The following APP variants were observed in gnomAD, a reference collection of about 807,000 sequenced individuals.
APP encodes the protein amyloid-beta precursor protein.
APP carries 31 observed loss-of-function variants against 101.4 expected under a neutral mutation model. The ratio of observed to expected loss-of-function variants is 0.31; its 90% CI spans 0.23 to 0.41. The LOEUF is 0.41. APP is among the 10% of genes least tolerant of loss of function. APP has a pLI of 1.00. For missense variants in APP, 839 were observed against 1,003.7 expected (o/e 0.84, Z 2.22); for synonymous variants, 366 against 364.4 (o/e 1.00, Z -0.05).
intron 6 of APP, chr21:26,009,555 A>G (rs2043688514): frequency 6.6e-6 from 1 of 151,802 alleles, no homozygotes; most frequent in Non-Finnish European, 1.5e-5. Context: ...GCCAAGATCA[A>G]TTCAAGGGCT....
At chr21:25,933,891 T>A (rs185138768) in intron 13 of APP, 3 of 152,214 alleles carry the variant, frequency 2.0e-5, no homozygotes, top group African/African-American at 7.2e-5. Context: ...TAGTTCACAT[T>A]CTTAAAAGTC....
chr21:26,138,916 C>T (rs935691084), intron 1 of APP, among the ~76,000 whole-genome samples: 3 of 152,136 alleles, frequency 2.0e-5, no homozygotes, highest in Non-Finnish European at 2.9e-5. Context: ...GGGCTTTCTT[C>T]GATATTATTG....
intron 1 of APP, among the ~76,000 whole-genome samples, chr21:26,125,245 TGAG>T (rs779468074): frequency 4.6e-5 from 7 of 152,192 alleles, no homozygotes; most frequent in Non-Finnish European, 7.4e-5. Context: ...CACCAGTGTA[TGAG>T]GAGGATGCGG....
intron 13 of APP, among the ~76,000 whole-genome samples, chr21:25,925,363 T>C (rs2039843536): frequency 6.6e-6 from 1 of 152,196 alleles, no homozygotes; most frequent in Admixed American, 6.5e-5. Flanking sequence ...CGCAAAATCG[T>C]GGGAGGCTGG....
At chr21:26,129,652 A>G (rs563967468) in intron 1 of APP, among the ~76,000 whole-genome samples, 1 of 152,334 alleles carries the variant, frequency 6.6e-6, no homozygotes, top group South Asian at 2.1e-4. Context: ...GTGAAATTCA[A>G]TAAAGTGACA....
At chr21:26,160,905 G>C (rs191830259) in intron 1 of APP, among the ~76,000 whole-genome samples, 1 of 152,234 alleles carries the variant, frequency 6.6e-6, no homozygotes, top group Non-Finnish European at 1.5e-5. Context: ...TGAACGTGAT[G>C]TATTGACAGT....
chr21:25,966,342 C>G (rs902860031), intron 11 of APP, among the ~76,000 whole-genome samples: 1 of 152,136 alleles, frequency 6.6e-6, no homozygotes, highest in South Asian at 2.1e-4. Context: ...TAATGAGTCC[C>G]CCTTTGCTCA....
chr21:25,990,945 T>C (rs1195418392), intron 8 of APP, among the ~76,000 whole-genome samples: 1 of 152,038 alleles, frequency 6.6e-6, no homozygotes, highest in Non-Finnish European at 1.5e-5. Flanking sequence ...CAATGAGGGA[T>C]AAAGAAAATG....
chr21:25,962,086 C>T (rs1797504349), intron 11 of APP, among the ~76,000 whole-genome samples: 1 of 152,096 alleles, frequency 6.6e-6, no homozygotes, highest in African/African-American at 2.4e-5. Flanking sequence ...CCCAGGAGGA[C>T]TAATTATACC....
chr21:26,024,917 T>C (rs920615833), intron 5 of APP, among the ~76,000 whole-genome samples: 1 of 152,254 alleles, frequency 6.6e-6, no homozygotes, highest in African/African-American at 2.4e-5. Context: ...TTAAGCAGAA[T>C]AATTTATTAA....
chr21:26,125,956 C>A (rs961282507), intron 1 of APP, among the ~76,000 whole-genome samples: 4 of 152,196 alleles, frequency 2.6e-5, no homozygotes, highest in Admixed American at 1.3e-4. Context: ...GCATTCCTTA[C>A]CCCCGACGGA....
At chr21:26,026,496 T>C (rs1185457908) in intron 5 of APP, among the ~76,000 whole-genome samples, 1 of 152,186 alleles carries the variant, frequency 6.6e-6, no homozygotes, top group Non-Finnish European at 1.5e-5. Flanking sequence ...CTGACCTTGA[T>C]ATAATTCCAC....
chr21:25,997,315 C>T, intron 8 of APP, 45 bp downstream of exon 8: 1 of 1,572,952 alleles, frequency 6.4e-7, no homozygotes, highest in Non-Finnish European at 8.8e-7. Flanking sequence ...AACCAAGCAG[C>T]ATCCTCCTCC....
chr21:25,980,410 C>T (rs2042383650), intron 9 of APP, among the ~76,000 whole-genome samples: 1 of 151,988 alleles, frequency 6.6e-6, no homozygotes, highest in Non-Finnish European at 1.5e-5. Context: ...GATTCATAGT[C>T]CTCCAATGCT....
chr21:26,165,665 C>T (rs62224883), intron 1 of APP, among the ~76,000 whole-genome samples: 195 of 152,306 alleles, frequency 1.3e-3, no homozygotes, highest in Non-Finnish European at 2.3e-3. Flanking sequence ...TCATCTTCCC[C>T]ATTTTAACTA....
intron 1 of APP, among the ~76,000 whole-genome samples, chr21:26,138,197 CAGAAA>C (rs2062961527): frequency 1.3e-5 from 2 of 152,040 alleles, no homozygotes; most frequent in Admixed American, 1.3e-4. Flanking sequence ...TAAAATGCTT[CAGAAA>C]AGAAAATGGG....
intron 3 of APP, among the ~76,000 whole-genome samples, chr21:26,068,570 G>T (rs574012090): frequency 6.6e-6 from 1 of 151,876 alleles, no homozygotes; most frequent in East Asian, 1.9e-4. Context: ...GTCTCGCCAC[G>T]TTGCCCAAGC....
intron 11 of APP, 33 bp from the exon 12 acceptor site, chr21:25,955,788 G>T: frequency 6.2e-7 from 1 of 1,613,770 alleles, no homozygotes; most frequent in Non-Finnish European, 8.5e-7. Flanking sequence ...TCTTTTTCAA[G>T]TTTGTGCAAA....
intron 2 of APP, among the ~76,000 whole-genome samples, chr21:26,100,584 GA>G (rs1327525499): frequency 5.9e-5 from 9 of 152,168 alleles, no homozygotes; most frequent in African/African-American, 1.9e-4. Flanking sequence ...AATGGAAAAA[GA>G]AAGGTTGAGA....
Sources: allele counts gnomAD v4.1 joint callset (sites outside exome capture counted in the v4.1 genomes callset), GRCh38; gene constraint gnomAD v4.1.1; transcripts MANE v1.5; gene names NCBI Gene and HGNC (gene_info 2026-07-23, HGNC 2026-07-21).